Variants in ANKAR observed in about 807,000 individuals in gnomAD.
The protein encoded by ANKAR is ankyrin and armadillo repeat containing, also known as ankyrin and armadillo repeat-containing protein.
ANKAR carries 136 observed loss-of-function variants against 146.2 expected under a neutral mutation model. The ratio of observed to expected loss-of-function variants is 0.93; its 90% CI spans 0.81 to 1.07. The LOEUF (loss-of-function observed/expected upper bound fraction) is 1.07. ANKAR is among the 50% of genes least tolerant of loss of function. The pLI is 0.00. For missense variants in ANKAR, 1,567 were observed against 1,679.9 expected (o/e 0.93, Z 1.18); for synonymous variants, 500 against 575.8 (o/e 0.87, Z 1.88).
chr2:189,676,208 ATCT>A (rs1321747349), intron 1 of ANKAR, among the ~76,000 whole-genome samples: 2 of 152,228 alleles, frequency 1.3e-5, no homozygotes, highest in Admixed American at 6.5e-5. Context: ...TTTGACATAC[ATCT>A]TCTTGTCTTT....
intron 19 of ANKAR, among the ~76,000 whole-genome samples, chr2:189,740,438 A>G (rs2043219346): frequency 6.6e-6 from 1 of 152,246 alleles, no homozygotes; most frequent in South Asian, 2.1e-4. Context: ...CTCACGTCAT[A>G]TCTCAATAAA....
intron 1 of ANKAR, 144 bp from the exon 2 acceptor site, chr2:189,676,312 T>A (rs1012428066): frequency 2.1e-5 from 14 of 679,438 alleles, no homozygotes; most frequent in Middle Eastern, 8.5e-4. Flanking sequence ...TATACTGCAG[T>A]TATTTTTAAT....
chr2:189,688,809 G>A (rs545872588), intron 2 of ANKAR, among the ~76,000 whole-genome samples: 13 of 152,260 alleles, frequency 8.5e-5, no homozygotes, highest in South Asian at 2.1e-4. Flanking sequence ...CTTATTATAC[G>A]TCAGAAAGTG....
chr2:189,676,944 T>C lies in ANKAR; in HGVS notation c.454T>C (p.Tyr152His). Reference protein sequence around the residue: ...RIGQILINIDYMLKALWHGIY... With the variant: ...RIGQILINIDHMLKALWHGIY... ...TGGGCAAATTCTGATCAATATTGAC[T>C]ACATGCTGAAAGCACTATGGCATGG... Residue 152 changes from tyrosine (Y) to histidine (H), a missense_variant, in exon 2 of 23, where the codon TAC becomes CAC. Physicochemically the swap from Tyr to His is moderately conservative, Grantham distance 83. Coordinates refer to ENST00000684021, the MANE Select transcript of ANKAR (RefSeq NM_001378068.1). 2 of 1,614,128 alleles carry C rather than the reference T, an allele frequency of 1.2e-6. No homozygotes were observed. Among genetic ancestry groups the C allele is most frequent in the East Asian group, 4.5e-5 (2 of 44,878 alleles).
chr2:189,689,623 C>A lies in ANKAR; in HGVS notation c.698C>A (p.Thr233Lys), dbSNP rs755496614. 6.2e-7 allele frequency: 1 copy of A among 1,613,600 alleles called. No individual in the cohort carries two copies. The highest frequency in any genetic ancestry group is 1.1e-5 in the South Asian group (1 of 91,046). Reference sequence around the variant, plus strand: ...TATGATCCCAACAGCCCTGAAGAAACAGCTGTATTTATGAAATATGCTGAA... The same window carrying A: ...TATGATCCCAACAGCCCTGAAGAAAAAGCTGTATTTATGAAATATGCTGAA... ...PTYDPNSPEETAVFMKYAENI... is the reference protein window; with the variant it reads ...PTYDPNSPEEKAVFMKYAENI... Residue 233 changes from threonine (T) to lysine (K), a missense_variant, in exon 3 of 23, where the codon ACA (threonine) becomes AAA (lysine). By Grantham distance (78) the Thr-to-Lys change is moderately conservative (BLOSUM62 -1). Coordinates refer to ENST00000684021, the MANE Select transcript of ANKAR (RefSeq NM_001378068.1).
chr2:189,691,345 C>T (rs761513441), intron 3 of ANKAR, among the ~76,000 whole-genome samples: 9 of 152,170 alleles, frequency 5.9e-5, no homozygotes, highest in Admixed American at 2.6e-4. Flanking sequence ...CATGAGCCGC[C>T]GCGCCCGGGA....
rs1353178698 is a variant in ANKAR at position 189,744,765 on chromosome 2, C to T, written c.4034C>T (p.Ser1345Phe). 3 of 1,594,978 alleles carry T rather than the reference C, an allele frequency of 1.9e-6. No homozygotes were observed. The highest frequency in any genetic ancestry group is 1.7e-6 in the Non-Finnish European group (2 of 1,164,712). The change falls in exon 22 of 23, where the codon TCC becomes TTC. Residue 1345 changes from serine to phenylalanine, a missense_variant. Physicochemically the swap from Ser to Phe is radical, Grantham distance 155 (BLOSUM62 -2). Transcript: ENST00000684021. ...SLSLEKNGGP[S>F]IIPIFKRGKE... is the part of the protein sequence containing the mutation. ...AGTCTGGAGAAGAATGGAGGACCATCCATAATTCCTATCTTTAAAAGAGGT... is the reference window on the plus strand; with the variant it reads ...AGTCTGGAGAAGAATGGAGGACCATTCATAATTCCTATCTTTAAAAGAGGT...
intron 18 of ANKAR, among the ~76,000 whole-genome samples, chr2:189,758,794 A>G (rs1317810628): frequency 6.6e-6 from 1 of 152,208 alleles, no homozygotes; most frequent in Non-Finnish European, 1.5e-5. Flanking sequence ...TTATACATAC[A>G]CAAGCAAATG....
chr2:189,744,990 TCTA>T (rs543460540), intron 22 of ANKAR, among the ~76,000 whole-genome samples: 2 of 112,422 alleles, frequency 1.8e-5, no homozygotes, highest in African/African-American at 8.2e-5. Context: ...AAACCCCATC[TCTA>T]CTACTACTAC....
chr2:189,709,977 C>CA (rs1267271985), intron 9 of ANKAR, among the ~76,000 whole-genome samples: 1 of 152,194 alleles, frequency 6.6e-6, no homozygotes, highest in Non-Finnish European at 1.5e-5. Flanking sequence ...ACAAACAGAA[C>CA]AAACAACAGT....
chr2:189,723,097 T>C (rs2041496473), intron 12 of ANKAR, among the ~76,000 whole-genome samples: 1 of 152,176 alleles, frequency 6.6e-6, no homozygotes, highest in Non-Finnish European at 1.5e-5. Flanking sequence ...GTTGTTAAGG[T>C]ATAGGAGATC....
intron 2 of ANKAR, among the ~76,000 whole-genome samples, chr2:189,681,533 A>G (rs1172670390): frequency 1.3e-5 from 2 of 152,232 alleles, no homozygotes; most frequent in African/African-American, 4.8e-5. Context: ...GTGGAAACAG[A>G]GAGCACCAAA....
chr2:189,695,744 A>C (rs113115346), intron 6 of ANKAR, among the ~76,000 whole-genome samples: 8,296 of 152,268 alleles, frequency 0.054, 382 homozygotes, highest in South Asian at 0.11. Flanking sequence ...TTGTTAGTTG[A>C]ATTTTTAAAT....
Position 189,727,963 on chromosome 2 carries a change from C to G in ANKAR, c.2743C>G (p.Leu915Val), listed in dbSNP as rs759303029. The G allele has an allele frequency of 6.2e-7, 1 of 1,613,974 alleles. No individual in the cohort carries two copies. The highest frequency in any genetic ancestry group is 2.2e-5 in the East Asian group (1 of 44,870). ...MEGAIPPLVALFKGKQISVQM... is the reference protein window; with the variant it reads ...MEGAIPPLVAVFKGKQISVQM... Reference sequence around the variant, plus strand: ...GGGAGCGATTCCTCCTCTGGTGGCTCTTTTTAAAGGGAAACAAATTAGTGT... The same window carrying G: ...GGGAGCGATTCCTCCTCTGGTGGCTGTTTTTAAAGGGAAACAAATTAGTGT... Residue 915 changes from leucine to valine, a missense_variant, in exon 13 of 23, where the codon CTT becomes GTT. Leu to Val is a conservative substitution (Grantham distance 32). Coordinates refer to ENST00000684021, the MANE Select transcript of ANKAR (RefSeq NM_001378068.1).
At chr2:189,681,430 T>C (rs1240814674) in intron 2 of ANKAR, among the ~76,000 whole-genome samples, 1 of 152,208 alleles carries the variant, frequency 6.6e-6, no homozygotes, top group Non-Finnish European at 1.5e-5. Context: ...GTGTGTCATA[T>C]CTGAGGTTGC....
intron 18 of ANKAR, among the ~76,000 whole-genome samples, chr2:189,758,024 T>TG (rs1435088871): frequency 6.6e-6 from 1 of 152,208 alleles, no homozygotes; most frequent in Non-Finnish European, 1.5e-5. Flanking sequence ...GACTACATCA[T>TG]GGGGGCGTAT....
At chr2:189,721,673 T>C (rs1340142714) in intron 12 of ANKAR, among the ~76,000 whole-genome samples, 2 of 152,172 alleles carry the variant, frequency 1.3e-5, no homozygotes, top group Middle Eastern at 3.2e-3. Flanking sequence ...GTAAGAATAA[T>C]TTCATTCCAG....
At chr2:189,691,525 C>T (rs2036393825) in intron 3 of ANKAR, among the ~76,000 whole-genome samples, 2 of 151,942 alleles carry the variant, frequency 1.3e-5, no homozygotes, top group African/African-American at 4.8e-5. Context: ...TTCTCTTAGG[C>T]ACAGAGTTTC....
At chr2:189,743,983 T>C (rs899812344) in intron 21 of ANKAR, among the ~76,000 whole-genome samples, 46 of 152,178 alleles carry the variant, frequency 3.0e-4, no homozygotes, top group Non-Finnish European at 3.1e-4. Flanking sequence ...CATCACAAAC[T>C]TAACTCCCCC....
Sources: gnomAD v4.1 joint callset for allele counts (sites outside exome capture counted in the v4.1 genomes callset) on GRCh38, gnomAD v4.1.1 for gene constraint, MANE v1.5 for transcripts, NCBI Gene and HGNC (gene_info 2026-07-23, HGNC 2026-07-21) for gene names.